Variants in GLRA2 observed in about 807,000 individuals in gnomAD.
GLRA2 encodes the protein glycine receptor subunit alpha-2.
A neutral mutation model predicts 31.6 loss-of-function variants in GLRA2; 11 were observed. The ratio of observed to expected loss-of-function variants is 0.35; its 90% CI spans 0.22 to 0.58. The LOEUF is 0.58. Among genes scored for constraint, GLRA2 ranks in the 20% least tolerant of loss-of-function variants. The pLI is 0.84. For synonymous variants in GLRA2, 132 were observed against 134.0 expected (o/e 0.99, Z 0.10); for missense variants, 212 against 351.8 (o/e 0.60, Z 3.18).
chrX:14,449,747 A>G, the GLRA2 span, among the ~76,000 whole-genome samples: 9 of 111,981 alleles, frequency 8.0e-5, no homozygotes, highest in East Asian at 2.6e-3. Flanking sequence ...CCAGTGTTTG[A>G]CCCAATGGGC....
chrX:14,643,891 T>G (rs1282814252), intron 7 of GLRA2, among the ~76,000 whole-genome samples: 2 of 112,083 alleles, frequency 1.8e-5, no homozygotes, highest in African/African-American at 6.5e-5. Context: ...ATTAAAAATA[T>G]TAAATGATTT....
chrX:14,649,868 A>G (rs2090870749), intron 7 of GLRA2, among the ~76,000 whole-genome samples: 1 of 112,017 alleles, frequency 8.9e-6, no homozygotes, highest in Non-Finnish European at 1.9e-5. Flanking sequence ...CTAAAAGTTG[A>G]TCATTAAAAC....
chrX:14,534,124 G>A (rs746284419), intron 2 of GLRA2, among the ~76,000 whole-genome samples: 13 of 110,364 alleles, frequency 1.2e-4, no homozygotes, highest in African/African-American at 3.3e-4. Context: ...TGGTTCTTCC[G>A]GGGATATCAC....
intron 2 of GLRA2, among the ~76,000 whole-genome samples, chrX:14,568,197 G>A (rs148374742): frequency 0.012 from 1,304 of 111,760 alleles, 7 homozygotes; most frequent in Middle Eastern, 0.037. Flanking sequence ...AGAACAAAGC[G>A]GAAGGACTCA....
chrX:14,575,021 C>T (rs1400528068), intron 3 of GLRA2, among the ~76,000 whole-genome samples: 1 of 109,403 alleles, frequency 9.1e-6, no homozygotes, highest in African/African-American at 3.3e-5. Flanking sequence ...TACACACACA[C>T]ACACAATTTT....
At chrX:14,450,389 C>T in the GLRA2 span, among the ~76,000 whole-genome samples, 1 of 111,727 alleles carries the variant, frequency 9.0e-6, no homozygotes, top group Non-Finnish European at 1.9e-5. Context: ...AGCCTGCCAA[C>T]GCCCCACTTA....
intron 6 of GLRA2, among the ~76,000 whole-genome samples, chrX:14,608,183 A>T (rs992945988): frequency 8.9e-6 from 1 of 111,823 alleles, no homozygotes; most frequent in African/African-American, 3.2e-5. Flanking sequence ...TGTATGGACT[A>T]AGCAAAATTA....
intron 7 of GLRA2, among the ~76,000 whole-genome samples, chrX:14,638,920 T>A (rs1284568834): frequency 9.0e-6 from 1 of 111,141 alleles, no homozygotes; most frequent in African/African-American, 3.3e-5. Context: ...GAATAATGCC[T>A]CTCACAAAAG....
chrX:14,688,985 A>G (rs2091311989), intron 7 of GLRA2, among the ~76,000 whole-genome samples: 1 of 111,976 alleles, frequency 8.9e-6, no homozygotes. Flanking sequence ...ATATTAAGTG[A>G]TTTTATCCAC....
intron 4 of GLRA2, among the ~76,000 whole-genome samples, chrX:14,582,739 T>C (rs1410417431): frequency 8.9e-6 from 1 of 112,110 alleles, no homozygotes; most frequent in Non-Finnish European, 1.9e-5. Context: ...GAATGAGTAA[T>C]GTAGTGGTCA....
intron 2 of GLRA2, among the ~76,000 whole-genome samples, chrX:14,547,158 T>C (rs913278974): frequency 9.0e-6 from 1 of 111,358 alleles, no homozygotes; most frequent in Non-Finnish European, 1.9e-5. Context: ...ACATAATAAA[T>C]AGATCCTAAA....
At chrX:14,698,504 C>G (rs1270292764) in intron 8 of GLRA2, among the ~76,000 whole-genome samples, 2 of 107,536 alleles carry the variant, frequency 1.9e-5, no homozygotes, top group African/African-American at 6.8e-5. Context: ...CATGTGAAAC[C>G]CTGTCTCTAC....
At chrX:14,480,986 T>C in the GLRA2 span, among the ~76,000 whole-genome samples, 1 of 110,597 alleles carries the variant, frequency 9.0e-6, no homozygotes, top group Non-Finnish European at 1.9e-5. Context: ...ATTTTAACGA[T>C]ATTGATTCTT....
At position 14,607,260 on chromosome X, in the gene GLRA2, A is replaced by G; in HGVS notation, c.707A>G (p.Tyr236Cys). 2 of 1,164,472 alleles carry G rather than the reference A, an allele frequency of 1.7e-6. No homozygotes were observed. The highest frequency in any genetic ancestry group is 2.3e-6 in the Non-Finnish European group (2 of 875,666). The change falls in exon 6 of 9, where the codon TAC becomes TGC. Residue 236 changes from tyrosine (Y) to cysteine (C), a missense_variant. Around this residue, in one of 5 missense-constraint regions of GLRA2, gnomAD observed 110 missense variants for 232.6 expected, o/e 0.47. Coordinates refer to ENST00000218075, the MANE Select transcript of GLRA2 (RefSeq NM_002063.4). Reference protein sequence around the residue: ...EKELGYCTKHYNTGKFTCIEV... With the variant: ...EKELGYCTKHCNTGKFTCIEV... ...GAACTTGGCTACTGTACAAAGCACT[A>G]CAACACTGGTAAGTTTCTTTTTTTT...
intron 8 of GLRA2, among the ~76,000 whole-genome samples, chrX:14,696,254 T>G: frequency 9.5e-6 from 1 of 104,997 alleles, no homozygotes; most frequent in Non-Finnish European, 2.0e-5. Flanking sequence ...GAAGTGAAGT[T>G]AAGGGAGGTT....
chrX:14,569,635 A>G (rs1691421613), intron 2 of GLRA2, among the ~76,000 whole-genome samples: 1 of 112,733 alleles, frequency 8.9e-6, no homozygotes, highest in Admixed American at 9.3e-5. Flanking sequence ...ATGTGGAGAA[A>G]TTGGAACTCT....
At chrX:14,693,620 C>T (rs1035132650) in intron 8 of GLRA2, among the ~76,000 whole-genome samples, 15 of 112,023 alleles carry the variant, frequency 1.3e-4, no homozygotes, top group African/African-American at 4.9e-4. Context: ...TAACAAACTA[C>T]ACCCTCAAAT....
the GLRA2 span, among the ~76,000 whole-genome samples, chrX:14,484,590 C>T: frequency 8.9e-6 from 1 of 111,910 alleles, no homozygotes; most frequent in East Asian, 2.8e-4. Context: ...CAAAGTCTTT[C>T]GGTTAGACAT....
chrX:14,616,645 C>G (rs1445198701), intron 7 of GLRA2, among the ~76,000 whole-genome samples: 2 of 111,725 alleles, frequency 1.8e-5, no homozygotes, highest in Non-Finnish European at 3.8e-5. Context: ...AGACTGATAC[C>G]TGTAGGAGTT....
Sources: gnomAD v4.1 joint callset for allele counts (sites outside exome capture counted in the v4.1 genomes callset) on GRCh38, gnomAD v4.1.1 for gene constraint, gnomAD v4.1.1 regional missense constraint, MANE v1.5 for transcripts, NCBI Gene and HGNC (gene_info 2026-07-23, HGNC 2026-07-21) for gene names.